The following AGO3 variants were observed in gnomAD, a reference collection of about 807,000 sequenced individuals.
AGO3 encodes the protein argonaute RISC catalytic component 3.
AGO3 carries 16 observed loss-of-function variants against 105.5 expected under a neutral mutation model. The ratio of observed to expected loss-of-function variants is 0.15; its 90% CI spans 0.10 to 0.23. AGO3 has a LOEUF of 0.23. AGO3 is among the 10% of genes least tolerant of loss of function. The probability of loss-of-function intolerance (pLI) is 1.00; values close to 1 mark genes in which losing one functional copy is unlikely to be tolerated. For synonymous variants in AGO3, 340 were observed against 367.3 expected, an observed-to-expected ratio of 0.93 and a Z score of 0.85; for missense variants, 534 against 1,088.0, an observed-to-expected ratio of 0.49 and a Z score of 7.16.
Position 36,055,507 on chromosome 1 carries a change from C to A in AGO3, c.2475-130C>A. The stretch of plus-strand genomic sequence containing the variant: ...ATAGTGATTGAAGCTGAGTGATGGA[C>A]ACATAGATTGTTACACCAGTCTCTT... On this transcript the variant is annotated intron_variant, in intron 18 of 18. Transcript: ENST00000373191. The surrounding 1 kb of genome is among the most constrained non-coding windows in gnomAD (Gnocchi z 4.4). 2 of 850,776 alleles carry A rather than the reference C, an allele frequency of 2.4e-6. No homozygotes were observed. Among genetic ancestry groups the A allele is most frequent in the Non-Finnish European group, 1.9e-6 (1 of 539,424 alleles). 52.7% of individuals were successfully genotyped at this position (850,776 alleles called of 1,614,324 possible). A position where few individuals can be genotyped will look rare whatever the true frequency, so the allele number is the denominator to read the frequency against.
intron 5 of AGO3, among the ~76,000 whole-genome samples, chr1:36,002,845 A>G (rs545527737): frequency 1.3e-5 from 2 of 152,264 alleles, no homozygotes; most frequent in African/African-American, 2.4e-5. Context: ...CGGCCTCCCA[A>G]AGTGCTGGGA....
At chr1:35,952,671 T>G (rs1646495545) in intron 2 of AGO3, among the ~76,000 whole-genome samples, 1 of 152,164 alleles carries the variant, frequency 6.6e-6, no homozygotes, top group Non-Finnish European at 1.5e-5. Context: ...ACCACTGTAT[T>G]ACAGTTGCCT....
At chr1:36,005,500 A>G (rs748874870) in intron 6 of AGO3, among the ~76,000 whole-genome samples, 10 of 152,208 alleles carry the variant, frequency 6.6e-5, no homozygotes, top group Non-Finnish European at 1.5e-4. Flanking sequence ...TGTTTATGTA[A>G]CTGTTTTGCA....
chr1:36,054,613 G>T (rs891414030), intron 17 of AGO3, among the ~76,000 whole-genome samples: 1 of 152,154 alleles, frequency 6.6e-6, no homozygotes, highest in African/African-American at 2.4e-5. Flanking sequence ...CAGCACAGTA[G>T]CTCACGCCTG....
intron 5 of AGO3, among the ~76,000 whole-genome samples, chr1:35,976,574 C>A (rs2148779054): frequency 6.6e-6 from 1 of 152,190 alleles, no homozygotes; most frequent in Middle Eastern, 3.4e-3. Flanking sequence ...GCTCTAGAAG[C>A]ATTAAGCATT....
chr1:36,055,234 C>A lies in AGO3; in HGVS notation c.2474+89C>A. 1 of 1,375,646 alleles carries A rather than the reference C, an allele frequency of 7.3e-7. No homozygotes were observed. Among genetic ancestry groups the A allele is most frequent in the Non-Finnish European group, 1.0e-6 (1 of 1,002,210 alleles). 85.2% of individuals were successfully genotyped at this position (1,375,646 alleles called of 1,614,324 possible). A position where few individuals can be genotyped will look rare whatever the true frequency, so the allele number is the denominator to read the frequency against. The stretch of plus-strand genomic sequence containing the variant: ...AAGTTCCACAAGCTATTAGCGGAGT[C>A]AGTGATCCATGTGAAAAATGATGAC... On this transcript the variant is annotated intron_variant, in intron 18 of 18. Transcript: ENST00000373191. The surrounding 1 kb of genome is among the most constrained non-coding windows in gnomAD (Gnocchi z 4.4).
chr1:35,932,349 C>T (rs1010588674), intron 1 of AGO3, among the ~76,000 whole-genome samples: 3 of 152,114 alleles, frequency 2.0e-5, no homozygotes, highest in Admixed American at 6.5e-5. Context: ...AATTAATTTT[C>T]AAAATATTTG....
intron 5 of AGO3, among the ~76,000 whole-genome samples, chr1:36,000,182 GA>G (rs1252450816): frequency 2.6e-5 from 4 of 152,062 alleles, no homozygotes; most frequent in Non-Finnish European, 4.4e-5. Flanking sequence ...GCTAATTTGT[GA>G]AAGGGAAGGA....
At chr1:35,942,611 T>C (rs1335058780) in intron 1 of AGO3, among the ~76,000 whole-genome samples, 1 of 152,210 alleles carries the variant, frequency 6.6e-6, no homozygotes, top group Non-Finnish European at 1.5e-5. Context: ...ATTTTTAGTT[T>C]ATTCAGATAA....
chr1:36,002,692 G>A (rs1640145128), intron 5 of AGO3, among the ~76,000 whole-genome samples: 1 of 151,900 alleles, frequency 6.6e-6, no homozygotes, highest in South Asian at 2.1e-4. Flanking sequence ...TTTATCCAGA[G>A]ATAACTACTG....
intron 12 of AGO3, among the ~76,000 whole-genome samples, chr1:36,033,205 T>G (rs1304150281): frequency 6.6e-6 from 1 of 150,924 alleles, no homozygotes; most frequent in African/African-American, 2.4e-5. Flanking sequence ...GGTGAGGTGG[T>G]GCACACCTGT....
intron 2 of AGO3, among the ~76,000 whole-genome samples, chr1:35,946,396 C>T (rs1402794535): frequency 6.6e-6 from 1 of 152,072 alleles, no homozygotes; most frequent in Non-Finnish European, 1.5e-5. Context: ...CTCGCCTCCC[C>T]CAAATGCCAT....
chr1:35,970,633 T>A (rs1304279603), intron 3 of AGO3, among the ~76,000 whole-genome samples: 1 of 152,202 alleles, frequency 6.6e-6, no homozygotes, highest in African/African-American at 2.4e-5. Flanking sequence ...CTTTTTCTTT[T>A]TTTTCAATGT....
At chr1:36,051,122 T>C (rs1642700283) in intron 17 of AGO3, among the ~76,000 whole-genome samples, 1 of 152,126 alleles carries the variant, frequency 6.6e-6, no homozygotes, top group Admixed American at 6.6e-5. Context: ...GCCTCAATTA[T>C]TTTTTTGATT....
intron 9 of AGO3, among the ~76,000 whole-genome samples, chr1:36,011,575 A>G (rs958764449): frequency 2.0e-5 from 3 of 152,200 alleles, no homozygotes; most frequent in African/African-American, 7.2e-5. Context: ...AACTGTTCAG[A>G]AAGTATCATA....
At chr1:35,943,983 T>TA (rs934780793) in intron 1 of AGO3, among the ~76,000 whole-genome samples, 15 of 152,244 alleles carry the variant, frequency 9.9e-5, no homozygotes, top group African/African-American at 3.6e-4. Context: ...GGCTGAATAA[T>TA]ATTTCATTGT....
At chr1:35,956,450 A>G (rs542820653) in intron 2 of AGO3, among the ~76,000 whole-genome samples, 2 of 152,294 alleles carry the variant, frequency 1.3e-5, no homozygotes, top group African/African-American at 4.8e-5. Flanking sequence ...GTGATTCGTC[A>G]GCATGTAGGT....
At chr1:36,023,650 A>G (rs1641351341) in intron 11 of AGO3, among the ~76,000 whole-genome samples, 1 of 152,238 alleles carries the variant, frequency 6.6e-6, no homozygotes, top group African/African-American at 2.4e-5. Context: ...TGGTACAAGA[A>G]TAGGTTACAG....
chr1:36,033,734 C>T lies in AGO3; in HGVS notation c.1592-440C>T, dbSNP rs189727434. Among the ~76,000 whole-genome samples the T allele has an allele frequency of 8.8e-4, 134 of 151,610 alleles. 1 individual carries two copies. The highest frequency in any genetic ancestry group is 2.8e-3 in the African/African-American group (114 of 41,304). On this transcript the variant is annotated intron_variant, in intron 12 of 18. Transcript: ENST00000373191. ...AGGAACAGGGGACTTTTGTTCTTTG[C>T]GCTATAATACCTCTGAATTTTTAAA...
Sources: gnomAD v4.1 joint callset for allele counts (sites outside exome capture counted in the v4.1 genomes callset) on GRCh38, gnomAD v4.1.1 for gene constraint, Gnocchi (gnomAD v3.1) non-coding constraint, MANE v1.5 for transcripts, NCBI Gene and HGNC (gene_info 2026-07-23, HGNC 2026-07-21) for gene names.